Variants in PNISR observed in about 807,000 individuals in gnomAD.
PNISR encodes PNN interacting serine and arginine rich protein.
In PNISR, 20 loss-of-function variants were observed where a neutral mutation model predicts 93.4. The ratio of observed to expected loss-of-function variants is 0.21; its 90% CI spans 0.15 to 0.31. The LOEUF is 0.31. PNISR is among the 10% of genes least tolerant of loss of function. The pLI is 1.00. For synonymous variants in PNISR, 305 were observed against 306.5 expected, an observed-to-expected ratio of 0.99 and a Z score of 0.05; for missense variants, 893 against 985.4, an observed-to-expected ratio of 0.91 and a Z score of 1.25.
chr6:99,411,317 C>G (rs1004345991), intron 4 of PNISR, among the ~76,000 whole-genome samples: 1 of 152,048 alleles, frequency 6.6e-6, no homozygotes, highest in Non-Finnish European at 1.5e-5. Context: ...CTTTCTTACA[C>G]GAACACATTT....
At position 99,425,250 on chromosome 6, in the gene PNISR, TC is replaced by T. The variant is rs1779358858; in HGVS notation, c.-148del. The T allele has an allele frequency of 4.1e-6, 5 of 1,232,054 alleles. No homozygotes were observed. Among genetic ancestry groups the T allele is most frequent in the South Asian group, 4.1e-5 (1 of 24,330 alleles). The allele number at this position is 1,232,054 out of a possible 1,614,324, so 76.3% of individuals were successfully genotyped here. A position where few individuals can be genotyped will look rare whatever the true frequency, so the allele number is the denominator to read the frequency against. ...TCGGGAACACCCTTGTCGCCGCCGT[TC>T]CGGTAACACCTCTCCAACGCTTTCG... On this transcript the variant is annotated 5_prime_UTR_variant, in exon 1 of 12. Coordinates refer to ENST00000369239, the MANE Select transcript of PNISR (RefSeq NM_032870.4).
intron 8 of PNISR, 130 bp from the exon 9 acceptor site, chr6:99,404,832 AT>A: frequency 1.9e-5 from 11 of 566,792 alleles, no homozygotes; most frequent in Non-Finnish European, 3.5e-5. Flanking sequence ...AGGCTGGATC[AT>A]ACTGGCGTGA....
intron 4 of PNISR, chr6:99,412,125 TG>T (rs1281275549): frequency 8.8e-5 from 26 of 295,206 alleles, no homozygotes; most frequent in South Asian, 7.4e-4. Flanking sequence ...GGTAGGCGGA[TG>T]GTAGGGGCAG....
chr6:99,400,854 A>G lies in PNISR; in HGVS notation c.2104T>C (p.Phe702Leu). ...KEKQKREEKD[F>L]KFSSQDDRLK... ...CTATCATCCTGACTACTGAACTTAA[A>G]ATCTTTTTCTTCCCTTTTTTGTTTC... Residue 702 changes from phenylalanine to leucine, a missense_variant, in exon 12 of 12, where the codon TTT becomes CTT. Around this residue, in one of 3 missense-constraint regions of PNISR, gnomAD observed 866 missense variants for 935.1 expected, o/e 0.93. Coordinates refer to ENST00000369239, the MANE Select transcript of PNISR (RefSeq NM_032870.4). 2 of 1,602,988 alleles carry G rather than the reference A, an allele frequency of 1.2e-6. No homozygotes were observed. Among genetic ancestry groups the G allele is most frequent in the Non-Finnish European group, 1.7e-6 (2 of 1,174,178 alleles).
intron 1 of PNISR, among the ~76,000 whole-genome samples, chr6:99,417,750 G>C (rs1321836341): frequency 6.6e-6 from 1 of 152,042 alleles, no homozygotes; most frequent in Non-Finnish European, 1.5e-5. Flanking sequence ...TGGATTACCT[G>C]AGGTCAGGCA....
intron 1 of PNISR, among the ~76,000 whole-genome samples, chr6:99,419,949 A>G (rs1778320037): frequency 6.6e-6 from 1 of 150,492 alleles, no homozygotes; most frequent in South Asian, 2.1e-4. Flanking sequence ...CAGTGGTGCG[A>G]TGTTGGCTCA....
chr6:99,407,338 C>CAAAAAAAAA, intron 7 of PNISR, among the ~76,000 whole-genome samples: 1 of 122,100 alleles, frequency 8.2e-6, no homozygotes, highest in Non-Finnish European at 1.8e-5. Flanking sequence ...CCTAAAAAGA[C>CAAAAAAAAA]AAAAAAAAAA....
At position 99,412,572 on chromosome 6, in the gene PNISR, A is replaced by T; in HGVS notation, c.256T>A (p.Phe86Ile). ...AAACCTGGTTGCCACATTCTGTTGAAGTTTGAATCCCCTTGGAAATTCCCA... is the reference window on the plus strand; with the variant it reads ...AAACCTGGTTGCCACATTCTGTTGATGTTTGAATCCCCTTGGAAATTCCCA... ...NHGNFQGDSNFNRMWQPEWGM... is the reference protein window; with the variant it reads ...NHGNFQGDSNINRMWQPEWGM... Residue 86 changes from phenylalanine (F) to isoleucine (I), a missense_variant, in exon 4 of 12, where the codon TTC (phenylalanine) becomes ATC (isoleucine). This residue lies in a region of PNISR where 866 missense variants were observed against 935.1 expected (regional missense o/e 0.93). Transcript: ENST00000369239. 6.3e-7 allele frequency: 1 copy of T among 1,597,124 alleles called. No homozygotes were observed. The highest frequency in any genetic ancestry group is 2.2e-5 in the East Asian group (1 of 44,770).
Position 99,412,658 on chromosome 6 carries a change from G to A in PNISR, c.170C>T (p.Pro57Leu). 2 of 1,612,390 alleles carry A rather than the reference G, an allele frequency of 1.2e-6. No individual in the cohort carries two copies. The highest frequency in any genetic ancestry group is 1.7e-6 in the Non-Finnish European group (2 of 1,178,920). Reference sequence around the variant, plus strand: ...TTGTCCATTTGGCATCATTCCTGGTGGTTGTTCTACCATGCTTTGCTGTCC... The same window carrying A: ...TTGTCCATTTGGCATCATTCCTGGTAGTTGTTCTACCATGCTTTGCTGTCC... Reference protein sequence around the residue: ...ASGQQSMVEQPPGMMPNGQDM... With the variant: ...ASGQQSMVEQLPGMMPNGQDM... Residue 57 changes from proline (P) to leucine (L), a missense_variant, in exon 4 of 12, where the codon CCA (proline) becomes CTA (leucine). Around this residue, in one of 3 missense-constraint regions of PNISR, gnomAD observed 866 missense variants for 935.1 expected, o/e 0.93. Coordinates refer to ENST00000369239, the MANE Select transcript of PNISR (RefSeq NM_032870.4).
At chr6:99,425,047 T>C in intron 1 of PNISR, 168 bp downstream of exon 1, 2 of 405,196 alleles carry the variant, frequency 4.9e-6, no homozygotes, top group Non-Finnish European at 8.5e-6. Flanking sequence ...AGCAGCGCTC[T>C]GATTTACCAA....
intron 7 of PNISR, among the ~76,000 whole-genome samples, chr6:99,407,525 T>C (rs1164218127): frequency 3.3e-5 from 5 of 152,154 alleles, no homozygotes; most frequent in Admixed American, 3.3e-4. Flanking sequence ...TGAGACTTAT[T>C]TCTAAAGCAG....
intron 1 of PNISR, among the ~76,000 whole-genome samples, chr6:99,423,492 C>T (rs1207634791): frequency 6.6e-6 from 1 of 152,166 alleles, no homozygotes; most frequent in East Asian, 1.9e-4. Context: ...AGTAACTTTA[C>T]AGTGGATAAA....
At position 99,400,514 on chromosome 6, in the gene PNISR, T is replaced by C. The variant is rs1362482194; in HGVS notation, c.*26A>G. The C allele has an allele frequency of 6.4e-7, 1 of 1,573,138 alleles. No homozygotes were observed. The highest frequency in any genetic ancestry group is 1.4e-5 in the African/African-American group (1 of 72,880). On this transcript the variant is annotated 3_prime_UTR_variant, in exon 12 of 12. Coordinates refer to ENST00000369239, the MANE Select transcript of PNISR (RefSeq NM_032870.4). ...AAATTCAGTCAATTTTTTTTAAAAA[T>C]CAGACAAAATACTTTAAAAAGTATA...
At chr6:99,420,731 T>C (rs974007573) in intron 1 of PNISR, among the ~76,000 whole-genome samples, 6 of 152,260 alleles carry the variant, frequency 3.9e-5, no homozygotes, top group African/African-American at 1.2e-4. Context: ...TTGGAAAATG[T>C]TGATAATTTA....
At chr6:99,404,846 T>C (rs901369320) in intron 8 of PNISR, 144 bp from the exon 9 acceptor site, 16 of 557,148 alleles carry the variant, frequency 2.9e-5, no homozygotes, top group East Asian at 2.8e-4. Context: ...TGGCGTGATA[T>C]TGGCTCACTG....
intron 1 of PNISR, among the ~76,000 whole-genome samples, chr6:99,419,094 G>A (rs959895364): frequency 7.4e-6 from 1 of 135,590 alleles, no homozygotes. Flanking sequence ...AAGTCGCAGT[G>A]AGCTGAGATA....
At position 99,401,267 on chromosome 6, in the gene PNISR, G is replaced by A; in HGVS notation, c.1691C>T (p.Pro564Leu). ...CCTGCTACGTCTAGCTTTGATTGTT[G>A]GAGATCTACTCCTACTGTGTCTCTT... The part of the protein sequence containing the change: ...RKKRHSRSRS[P>L]TIKARRSRSR... Residue 564 changes from proline (P) to leucine (L), a missense_variant, in exon 12 of 12, where the codon CCA (proline) becomes CTA (leucine). This residue lies in a region of PNISR where 866 missense variants were observed against 935.1 expected (regional missense o/e 0.93). Coordinates refer to ENST00000369239, the MANE Select transcript of PNISR (RefSeq NM_032870.4). 2 of 1,612,324 alleles carry A rather than the reference G, an allele frequency of 1.2e-6. No homozygotes were observed. Among genetic ancestry groups the A allele is most frequent in the Non-Finnish European group, 1.7e-6 (2 of 1,179,350 alleles).
At chr6:99,421,920 C>A (rs11967092) in intron 1 of PNISR, among the ~76,000 whole-genome samples, 5,155 of 152,230 alleles carry the variant, frequency 0.034, 281 homozygotes, top group African/African-American at 0.12. Flanking sequence ...GGCTGGAATG[C>A]AGCAGTGTGA....
intron 10 of PNISR, chr6:99,403,478 A>G (rs1237193257): frequency 6.4e-6 from 1 of 157,032 alleles, no homozygotes; most frequent in Non-Finnish European, 1.4e-5. Flanking sequence ...ATAATTCTGA[A>G]AGTGAGCTTA....
Sources: allele counts gnomAD v4.1 joint callset (sites outside exome capture counted in the v4.1 genomes callset), GRCh38; gene constraint gnomAD v4.1.1; regional missense constraint gnomAD v4.1.1; transcripts MANE v1.5; gene names NCBI Gene and HGNC (gene_info 2026-07-23, HGNC 2026-07-21).